The following SPTAN1 variants were observed in gnomAD, a reference collection of about 807,000 sequenced individuals.
SPTAN1 encodes the protein spectrin alpha, non-erythrocytic 1.
In SPTAN1, 61 loss-of-function variants were observed where a neutral mutation model predicts 331.3. The ratio of observed to expected loss-of-function variants is 0.18; its 90% CI spans 0.15 to 0.23. The LOEUF (loss-of-function observed/expected upper bound fraction) is 0.23, where lower values mean the gene tolerates loss of function less well. Ranked by LOEUF, SPTAN1 falls within the 10% of genes least tolerant of loss-of-function variation. SPTAN1 has a pLI of 1.00. For missense variants in SPTAN1, 2,043 were observed against 3,147.9 expected, an observed-to-expected ratio of 0.65 and a Z score of 8.40; for synonymous variants, 1,153 against 1,173.9, an observed-to-expected ratio of 0.98 and a Z score of 0.36.
At position 128,566,810 on chromosome 9, in the gene SPTAN1, G is replaced by C. The variant is rs778320434; in HGVS notation, c.70G>C (p.Asp24His). ...CCAGGAGAGGCGGCAGCAGGTCCTA[G>C]ACCGATACCACCGCTTCAAGGAACT... ...DIQERRQQVLDRYHRFKELST... is the reference protein window; with the variant it reads ...DIQERRQQVLHRYHRFKELST... Residue 24 changes from aspartate to histidine, a missense_variant, in exon 2 of 57, where the codon GAC becomes CAC. Around this residue, in one of 12 missense-constraint regions of SPTAN1, gnomAD observed 1,038 missense variants for 1,531.5 expected, o/e 0.68. Coordinates refer to ENST00000372739, the MANE Select transcript of SPTAN1 (RefSeq NM_001130438.3). 1 of 1,614,182 alleles carries C rather than the reference G, an allele frequency of 6.2e-7. No homozygotes were observed.
chr9:128,608,732 C>T, intron 34 of SPTAN1, 142 bp from the exon 35 acceptor site: 1 of 838,290 alleles, frequency 1.2e-6, no homozygotes, highest in Non-Finnish European at 2.0e-6. Flanking sequence ...TACACTCTTG[C>T]TTCTAAAGTG....
At chr9:128,606,314 G>T (rs1230646946) in intron 31 of SPTAN1, among the ~76,000 whole-genome samples, 1 of 136,944 alleles carries the variant, frequency 7.3e-6, no homozygotes, top group Non-Finnish European at 1.5e-5. Context: ...GGCGGAGGTT[G>T]CAGTGAGCCG....
At chr9:128,602,791 G>A (rs1855347959) in intron 27 of SPTAN1, among the ~76,000 whole-genome samples, 1 of 151,478 alleles carries the variant, frequency 6.6e-6, no homozygotes, top group South Asian at 2.1e-4. Context: ...TCACACCACC[G>A]TGCCCAGCTA....
chr9:128,588,960 G>A lies in SPTAN1; in HGVS notation c.3006+17G>A, dbSNP rs1853056982. ...ACCAACAAGGCAAGGCACAGAGAGT[G>A]GCTGTGTGTTTGTTCCACGCTGGCA... On this transcript the variant is annotated intron_variant, in intron 21 of 56. Coordinates refer to ENST00000372739, the MANE Select transcript of SPTAN1 (RefSeq NM_001130438.3). The A allele has an allele frequency of 4.3e-6, 7 of 1,613,400 alleles. No homozygotes were observed. The South Asian group carries it at 7.7e-5, about 18-fold the overall frequency.
chr9:128,628,029 G>T (rs527496623), intron 51 of SPTAN1, 87 bp downstream of exon 51: 1 of 1,539,070 alleles, frequency 6.5e-7, no homozygotes, highest in Non-Finnish European at 9.0e-7. Context: ...GGAGGATCCC[G>T]GGATGGGCCT....
At chr9:128,565,079 C>T (rs550477431) in intron 1 of SPTAN1, among the ~76,000 whole-genome samples, 1 of 152,092 alleles carries the variant, frequency 6.6e-6, no homozygotes, top group South Asian at 2.1e-4. Context: ...CTGAGGCAGG[C>T]AGATCACGAG....
At chr9:128,582,591 G>A in intron 13 of SPTAN1, 35 bp downstream of exon 13, 1 of 1,612,012 alleles carries the variant, frequency 6.2e-7, no homozygotes, top group South Asian at 1.1e-5. Flanking sequence ...CCTCCTTTTT[G>A]GTACATGAAT....
chr9:128,624,406 G>A lies in SPTAN1; in HGVS notation c.5911G>A (p.Ala1971Thr). 1 of 1,614,068 alleles carries A rather than the reference G, an allele frequency of 6.2e-7. No homozygotes were observed. The highest frequency in any genetic ancestry group is 8.5e-7 in the Non-Finnish European group (1 of 1,180,026). The change falls in exon 46 of 57, where the codon GCC becomes ACC. Residue 1971 changes from alanine to threonine, a missense_variant. Ala to Thr is a moderately conservative substitution (Grantham distance 58, BLOSUM62 0). Transcript: ENST00000372739. ...GKVSDLEKAA[A>T]QRKAKLDENS... is the part of the protein sequence containing the mutation. The stretch of plus-strand genomic sequence containing the variant: ...AGTGTCAGACCTGGAGAAAGCTGCA[G>A]CCCAGAGAAAGGCGAAGCTGGATGA...
chr9:128,571,125 A>G (rs1850669606), intron 3 of SPTAN1, among the ~76,000 whole-genome samples: 1 of 151,910 alleles, frequency 6.6e-6, no homozygotes, highest in Non-Finnish European at 1.5e-5. Context: ...TCGTCTCTAC[A>G]AAAAAAATTT....
Position 128,632,171 on chromosome 9 carries a change from G to A in SPTAN1, c.6807G>A (p.Lys2269=). Residue 2269 remains lysine (K), a synonymous_variant, in exon 53 of 57, where the codon AAG becomes AAA. Transcript: ENST00000372739. ...GAGCCATGAGAAGTCAGCTCAAAAA[G>A]ATCGAGGACCTGGGGGCCGCCATGG... The part of the protein sequence containing the change: ...EIRAMRSQLK[K]IEDLGAAMEE... The A allele has an allele frequency of 1.9e-6, 3 of 1,613,500 alleles. No individual in the cohort carries two copies. Among genetic ancestry groups the A allele is most frequent in the Non-Finnish European group, 1.7e-6 (2 of 1,180,036 alleles).
chr9:128,607,953 C>G lies in SPTAN1; in HGVS notation c.4248C>G (p.Ile1416Met), dbSNP rs1466187767. 1 of 1,613,936 alleles carries G rather than the reference C, an allele frequency of 6.2e-7. No individual in the cohort carries two copies. The highest frequency in any genetic ancestry group is 8.5e-7 in the Non-Finnish European group (1 of 1,180,020). Reference sequence around the variant, plus strand: ...ACGGACACTATGCCAGCCCTGAGATCAAGCAGAAACTTGATATTCTTGACC... The same window carrying G: ...ACGGACACTATGCCAGCCCTGAGATGAAGCAGAAACTTGATATTCTTGACC... Reference protein sequence around the residue: ...LAHGHYASPEIKQKLDILDQE... With the variant: ...LAHGHYASPEMKQKLDILDQE... The change falls in exon 33 of 57, where the codon ATC becomes ATG. Residue 1416 changes from isoleucine (I) to methionine (M), a missense_variant. Physicochemically the swap from Ile to Met is conservative, Grantham distance 10. Coordinates refer to ENST00000372739, the MANE Select transcript of SPTAN1 (RefSeq NM_001130438.3).
intron 1 of SPTAN1, among the ~76,000 whole-genome samples, chr9:128,563,607 T>G (rs1849665328): frequency 6.6e-6 from 1 of 152,166 alleles, no homozygotes; most frequent in South Asian, 2.1e-4. Context: ...ATATGCAAAC[T>G]GAAAGATTCG....
rs752342805 is a variant in SPTAN1 at position 128,598,507 on chromosome 9, A to G, written c.3519+3A>G. 8 of 1,597,774 alleles carry G rather than the reference A, an allele frequency of 5.0e-6. No homozygotes were observed. Among genetic ancestry groups the G allele is most frequent in the Non-Finnish European group, 6.8e-6 (8 of 1,169,682 alleles). On this transcript the variant is annotated splice_donor_region_variant and intron_variant, in intron 25 of 56. Coordinates refer to ENST00000372739, the MANE Select transcript of SPTAN1 (RefSeq NM_001130438.3). The stretch of plus-strand genomic sequence containing the variant: ...AGGTGCAGGCTGTGCAACAACAGGT[A>G]GGTGTCTCCATCTTGGAGTGAGGCT...
intron 23 of SPTAN1, chr9:128,593,480 G>T: frequency 9.7e-6 from 2 of 206,066 alleles, no homozygotes; most frequent in Non-Finnish European, 1.0e-5. Flanking sequence ...TTAATTTTTA[G>T]TTTTTTATTG....
intron 2 of SPTAN1, among the ~76,000 whole-genome samples, chr9:128,567,330 C>T (rs536243836): frequency 6.6e-6 from 1 of 152,120 alleles, no homozygotes; most frequent in Non-Finnish European, 1.5e-5. Flanking sequence ...GCGCTCATGT[C>T]GCCCAGGCTG....
rs759040222 is a variant in SPTAN1, at chr9:128,605,502, T to G, written c.4046+25T>G. ...GGTACGGAGCCATGTTCACTCAGAC[T>G]TCTGGAACATAGAGCCTTCTTTGTA... On this transcript the variant is annotated intron_variant, in intron 31 of 56. Transcript: ENST00000372739. 9 of 1,613,784 alleles carry G rather than the reference T, an allele frequency of 5.6e-6. No homozygotes were observed. In the Admixed American group the frequency reaches 6.7e-5, roughly 12 times the overall value.
At chr9:128,632,382 T>C in intron 53 of SPTAN1, 49 bp from the exon 54 acceptor site, 1 of 1,612,916 alleles carries the variant, frequency 6.2e-7, no homozygotes, top group African/African-American at 1.3e-5. Flanking sequence ...AAAGACACAG[T>C]CACCTGCTGT....
intron 27 of SPTAN1, among the ~76,000 whole-genome samples, chr9:128,600,984 T>TC (rs2131497326): frequency 1.1e-5 from 1 of 91,942 alleles, no homozygotes; most frequent in African/African-American, 4.4e-5. Context: ...CTTTTTTTTT[T>TC]TTTTTTTTTT....
rs1214610651 is a variant in SPTAN1 at position 128,633,253 on chromosome 9, G to A, written c.7353G>A (p.Lys2451=). Residue 2451 remains lysine, a synonymous_variant, in exon 57 of 57, where the codon AAG becomes AAA. Transcript: ENST00000372739. ...CCGACTACTGCGTCTCCCACATGAA[G>A]CCCTACGTGGACGGCAAGGGCCGCG... ...EQADYCVSHM[K]PYVDGKGREL... is the part of the protein sequence containing the mutation. 2 of 1,614,054 alleles carry A rather than the reference G, an allele frequency of 1.2e-6. No homozygotes were observed. The highest frequency in any genetic ancestry group is 1.6e-4 in the Middle Eastern group (1 of 6,062).
Sources: allele counts gnomAD v4.1 joint callset (sites outside exome capture counted in the v4.1 genomes callset), GRCh38; gene constraint gnomAD v4.1.1; regional missense constraint gnomAD v4.1.1; transcripts MANE v1.5; gene names NCBI Gene and HGNC (gene_info 2026-07-23, HGNC 2026-07-21).